CD300C: variants seen among roughly 807,000 people sequenced by gnomAD.
The protein encoded by CD300C is CD300c molecule, also known as CMRF35-like molecule 6.
CD300C carries 11 observed loss-of-function variants against 18.4 expected under a neutral mutation model. The ratio of observed to expected loss-of-function variants is 0.60; its 90% CI spans 0.38 to 0.99. The LOEUF is 0.99. Among genes scored for constraint, CD300C ranks in the 50% least tolerant of loss-of-function variants. CD300C has a pLI of 0.01. For synonymous variants in CD300C, 116 were observed against 116.3 expected (o/e 1.00, Z 0.02); for missense variants, 277 against 287.4 (o/e 0.96, Z 0.26).
chr17:74,539,346 C>T (rs971114266), downstream of CD300C, among the ~76,000 whole-genome samples: 5 of 152,122 alleles, frequency 3.3e-5, no homozygotes, highest in Admixed American at 1.3e-4. Flanking sequence ...ATGGGACTGT[C>T]GCCAGCCCAA....
intron 2 of CD300C, among the ~76,000 whole-genome samples, 162 bp from the exon 3 acceptor site, chr17:74,543,149 C>G (rs567378992): frequency 4.3e-4 from 66 of 152,352 alleles, no homozygotes; most frequent in Non-Finnish European, 8.5e-4. Context: ...TGACCAGGGT[C>G]CTGGGCCTCT....
chr17:74,542,055 C>T (rs180927751), intron 3 of CD300C, among the ~76,000 whole-genome samples: 4 of 152,240 alleles, frequency 2.6e-5, no homozygotes, highest in Admixed American at 6.5e-5. Context: ...GCTGGGGTCC[C>T]GGAATTCACA....
At chr17:74,539,476 T>G (rs1908476757), downstream of CD300C, among the ~76,000 whole-genome samples, 1 of 151,984 alleles carries the variant, frequency 6.6e-6, no homozygotes, top group Admixed American at 6.6e-5. Context: ...ACTCATCCCT[T>G]TCATTCTCCC....
At chr17:74,539,231 A>G (rs1172016687), downstream of CD300C, among the ~76,000 whole-genome samples, 2 of 152,160 alleles carry the variant, frequency 1.3e-5, no homozygotes, top group East Asian at 1.9e-4. Context: ...ACCTGGCACC[A>G]TGAAGGGGTC....
downstream of CD300C, among the ~76,000 whole-genome samples, chr17:74,536,158 A>T (rs114698193): frequency 1.3e-5 from 2 of 152,240 alleles, no homozygotes; most frequent in South Asian, 4.1e-4. Context: ...GTTAAGCAAG[A>T]TGAAAGTATA....
the CD300C span, among the ~76,000 whole-genome samples, chr17:74,535,077 T>C: frequency 1.3e-5 from 2 of 152,248 alleles, no homozygotes; most frequent in African/African-American, 2.4e-5. Flanking sequence ...AAACAATTAC[T>C]AAGATTTTTT....
rs1908746630 is a variant in CD300C, at chr17:74,545,944, G to C, written c.-162C>G. The C allele has an allele frequency of 1.5e-6, 1 of 651,972 alleles. No individual in the cohort carries two copies. Among genetic ancestry groups the C allele is most frequent in the African/African-American group, 1.8e-5 (1 of 55,578 alleles). The allele number at this position is 651,972 out of a possible 1,614,324, so 40.4% of individuals were successfully genotyped here. ...TGAGGCTGGAGAGGGTCAGGGTACA[G>C]GAAGCTCAGGGAGAGAGCCGCCTGG... On this transcript the variant is annotated 5_prime_UTR_variant, in exon 1 of 4. Transcript: ENST00000330793.
downstream of CD300C, among the ~76,000 whole-genome samples, chr17:74,536,532 C>CAAA (rs376317178): frequency 1.4e-3 from 148 of 109,080 alleles, 1 homozygote; most frequent in African/African-American, 4.4e-3. Flanking sequence ...GACTCCGTCT[C>CAAA]AAAAAAAAAA....
downstream of CD300C, among the ~76,000 whole-genome samples, chr17:74,539,249 C>G (rs1294278795): frequency 6.6e-6 from 1 of 152,142 alleles, no homozygotes; most frequent in Non-Finnish European, 1.5e-5. Flanking sequence ...GTCACTGCAC[C>G]CTTGTCCTGC....
Position 74,545,083 on chromosome 17 carries a change from A to G in CD300C, c.62-136T>C, listed in dbSNP as rs950697606. Reference sequence around the variant, plus strand: ...AGGCAGCCTTTGTCCACCCAGGAACAGGGACTGAGGGTGGGAGGCTCCCTC... The same window carrying G: ...AGGCAGCCTTTGTCCACCCAGGAACGGGGACTGAGGGTGGGAGGCTCCCTC... On this transcript the variant is annotated intron_variant, in intron 1 of 3. Transcript: ENST00000330793. The G allele has an allele frequency of 5.1e-5, 39 of 769,570 alleles. 1 individual carries two copies. Among genetic ancestry groups the G allele is most frequent in the Admixed American group, 2.3e-4 (8 of 34,750 alleles). 47.7% of individuals were successfully genotyped at this position (769,570 alleles called of 1,614,324 possible).
At chr17:74,541,950 C>T (rs1908566357) in intron 3 of CD300C, among the ~76,000 whole-genome samples, 1 of 152,180 alleles carries the variant, frequency 6.6e-6, no homozygotes, top group South Asian at 2.1e-4. Context: ...AAGGGCAGGA[C>T]CATGAGAGGA....
At chr17:74,545,249 TGA>T (rs1406553572) in intron 1 of CD300C, among the ~76,000 whole-genome samples, 1 of 151,774 alleles carries the variant, frequency 6.6e-6, no homozygotes, top group East Asian at 1.9e-4. Context: ...ACTGTCTGTG[TGA>T]GTGTGACTGT....
the CD300C span, among the ~76,000 whole-genome samples, chr17:74,535,736 C>G: frequency 6.6e-6 from 1 of 152,124 alleles, no homozygotes; most frequent in East Asian, 1.9e-4. Context: ...TCTAAAATTT[C>G]TGCAGAAGAG....
At chr17:74,537,501 T>C (rs8077578), downstream of CD300C, among the ~76,000 whole-genome samples, 82,784 of 151,174 alleles carry the variant, frequency 0.55, 23,177 homozygotes, top group Middle Eastern at 0.69. Flanking sequence ...TGGTGGCACA[T>C]GCCTGTAGTC....
intron 2 of CD300C, among the ~76,000 whole-genome samples, chr17:74,543,947 A>G (rs540183909): frequency 6.6e-6 from 1 of 152,246 alleles, no homozygotes; most frequent in African/African-American, 2.4e-5. Context: ...GGGGACACAC[A>G]GGTCAGCCTC....
rs1457551212 is a variant in CD300C, at chr17:74,541,768, C to T, written c.528-32G>A. 4.4e-6 allele frequency: 7 copies of T among 1,596,620 alleles called. No homozygotes were observed. The Admixed American group carries it at 7.1e-5, about 16-fold the overall frequency. On this transcript the variant is annotated intron_variant, in intron 3 of 3. Coordinates refer to ENST00000330793, the MANE Select transcript of CD300C (RefSeq NM_006678.5). ...GGACACGGTGACAGGCAGTGAGTCA[C>T]CTCCCCAGGGGAGGCCCAGGTGCCC...
intron 3 of CD300C, among the ~76,000 whole-genome samples, chr17:74,542,304 G>C (rs1192873519): frequency 6.6e-6 from 1 of 152,126 alleles, no homozygotes; most frequent in African/African-American, 2.4e-5. Flanking sequence ...AGGCAGGGGA[G>C]AGGACCAGGG....
the CD300C span, among the ~76,000 whole-genome samples, chr17:74,534,637 G>A: frequency 6.6e-6 from 1 of 152,156 alleles, no homozygotes; most frequent in African/African-American, 2.4e-5. Flanking sequence ...AAAGGAAGGA[G>A]ACTAAAATAA....
At chr17:74,536,430 G>A (rs1179693943), downstream of CD300C, among the ~76,000 whole-genome samples, 1 of 151,822 alleles carries the variant, frequency 6.6e-6, no homozygotes, top group Non-Finnish European at 1.5e-5. Context: ...CTACTCGGGA[G>A]GCTGAGGCAG....
Sources: allele counts gnomAD v4.1 joint callset (sites outside exome capture counted in the v4.1 genomes callset), GRCh38; gene constraint gnomAD v4.1.1; transcripts MANE v1.5; gene names NCBI Gene and HGNC (gene_info 2026-07-23, HGNC 2026-07-21).